MYO6: variants seen among roughly 807,000 people sequenced by gnomAD.
MYO6 encodes the protein myosin VI, also known as unconventional myosin-VI.
Under a neutral mutation model 178.7 loss-of-function variants are expected in MYO6, and 74 were observed. The observed-to-expected ratio is 0.41, with a 90% CI of 0.34 to 0.50. The LOEUF (loss-of-function observed/expected upper bound fraction) is 0.50. Among genes scored for constraint, MYO6 ranks in the 20% least tolerant of loss-of-function variants. The pLI is 0.09. For missense variants in MYO6, 1,330 were observed against 1,547.4 expected, an observed-to-expected ratio of 0.86 and a Z score of 2.36; for synonymous variants, 477 against 504.6, an observed-to-expected ratio of 0.95 and a Z score of 0.73.
At chr6:75,876,355 C>G (rs1777568606) in intron 20 of MYO6, among the ~76,000 whole-genome samples, 2 of 152,080 alleles carry the variant, frequency 1.3e-5, no homozygotes, top group South Asian at 4.1e-4. Flanking sequence ...TTCCTATTTC[C>G]CTGGCATATA....
chr6:75,881,237 G>A (rs1777998688), intron 22 of MYO6, among the ~76,000 whole-genome samples: 1 of 152,096 alleles, frequency 6.6e-6, no homozygotes, highest in African/African-American at 2.4e-5. Flanking sequence ...TTGGGGGTGG[G>A]TAATGGGAGT....
chr6:75,794,251 T>C (rs1310853276), intron 1 of MYO6, among the ~76,000 whole-genome samples: 10 of 152,136 alleles, frequency 6.6e-5, no homozygotes, highest in Admixed American at 6.6e-4. Flanking sequence ...GGAAGACATC[T>C]AAAAAATAGA....
intron 1 of MYO6, among the ~76,000 whole-genome samples, chr6:75,752,492 G>A (rs911498339): frequency 1.1e-4 from 16 of 152,184 alleles, no homozygotes; most frequent in African/African-American, 3.9e-4. Context: ...GCTTGCTCCA[G>A]AAGGGCAAAG....
intron 20 of MYO6, among the ~76,000 whole-genome samples, chr6:75,879,089 T>TCA (rs1409014775): frequency 6.6e-6 from 1 of 152,220 alleles, no homozygotes; most frequent in Non-Finnish European, 1.5e-5. Context: ...TGGGAATGTA[T>TCA]CTACTTTTTG....
chr6:75,820,670 C>T (rs569244281), intron 2 of MYO6, among the ~76,000 whole-genome samples: 21 of 152,154 alleles, frequency 1.4e-4, no homozygotes, highest in Non-Finnish European at 2.5e-4. Context: ...CGCACCTGGC[C>T]AATCTCCATA....
intron 10 of MYO6, among the ~76,000 whole-genome samples, chr6:75,845,252 TA>T (rs1488539087): frequency 1.3e-5 from 2 of 152,212 alleles, no homozygotes; most frequent in African/African-American, 4.8e-5. Context: ...TTAAATTGCC[TA>T]AGAATCATTC....
intron 12 of MYO6, 149 bp from the exon 13 acceptor site, chr6:75,856,948 C>A: frequency 1.5e-6 from 1 of 674,920 alleles, no homozygotes; most frequent in Non-Finnish European, 2.5e-6. Context: ...CAGTTTTCTA[C>A]TTAGCCCCAT....
rs138193115 is a variant in MYO6 at position 75,919,119 on chromosome 6, C to CA, written c.*4113dup. The CA allele has an allele frequency of 0.31, 46,347 of 150,104 alleles. 7,291 individuals carry two copies. The highest frequency in any genetic ancestry group is 0.4 in the South Asian group (1,867 of 4,712). The allele number at this position is 150,104 out of a possible 1,614,324, so 9.3% of individuals were successfully genotyped here. On this transcript the variant is annotated 3_prime_UTR_variant, in exon 35 of 35. Coordinates refer to ENST00000369977, the MANE Select transcript of MYO6 (RefSeq NM_004999.4). Reference sequence around the variant, plus strand: ...GGGCAACAAGAGCGAAATTCCATCTCAAAAAATAAAATAGATTTAGGGGGT... The same window carrying CA: ...GGGCAACAAGAGCGAAATTCCATCTCAAAAAAATAAAATAGATTTAGGGGGT...
rs568752764 is a variant in MYO6 at position 75,900,946 on chromosome 6, A to G, written c.3176+2535A>G. Among the ~76,000 whole-genome samples, 25 of 149,940 alleles carry G rather than the reference A, an allele frequency of 1.7e-4. No individual in the cohort carries two copies. In the East Asian group the frequency reaches 3.9e-3, roughly 23 times the overall value. On this transcript the variant is annotated intron_variant, in intron 30 of 34. Coordinates refer to ENST00000369977, the MANE Select transcript of MYO6 (RefSeq NM_004999.4). ...GGAAGGGATCCAGTTTCAGCTTTCT[A>G]CATATGACTAGCCAGTTTTCCCAGC...
intron 1 of MYO6, among the ~76,000 whole-genome samples, chr6:75,775,895 T>A (rs564161958): frequency 6.6e-5 from 10 of 152,344 alleles, no homozygotes; most frequent in African/African-American, 2.4e-4. Context: ...GCTTGAATCC[T>A]GATAGGCAGA....
intron 30 of MYO6, among the ~76,000 whole-genome samples, chr6:75,899,798 A>G (rs1375361391): frequency 1.3e-5 from 2 of 150,364 alleles, no homozygotes; most frequent in Non-Finnish European, 3.0e-5. Context: ...GGTTAGTTAC[A>G]TATGTATACA....
chr6:75,906,565 A>G (rs1308830913), intron 30 of MYO6, among the ~76,000 whole-genome samples: 2 of 151,966 alleles, frequency 1.3e-5, no homozygotes, highest in Admixed American at 6.6e-5. Flanking sequence ...AGTCCCAGCT[A>G]TTTAGGAGGC....
chr6:75,838,153 A>G (rs941475224), intron 7 of MYO6, among the ~76,000 whole-genome samples: 5 of 151,780 alleles, frequency 3.3e-5, no homozygotes, highest in African/African-American at 7.3e-5. Flanking sequence ...CCCGAGTTCA[A>G]GTGATAGCGC....
chr6:75,862,531 T>C, intron 15 of MYO6, 65 bp from the exon 16 acceptor site: 1 of 1,401,572 alleles, frequency 7.1e-7, no homozygotes, highest in Non-Finnish European at 1.0e-6. Context: ...ATTAGTGAAT[T>C]GTTCACATAT....
intron 10 of MYO6, 137 bp downstream of exon 10, chr6:75,845,114 C>A: frequency 1.4e-6 from 1 of 707,872 alleles, no homozygotes; most frequent in Non-Finnish European, 2.5e-6. Context: ...AAATATTCAT[C>A]TAAGTCTCTG....
rs1781163072 is a variant in MYO6 at position 75,917,134 on chromosome 6, G to A, written c.*2122G>A. On this transcript the variant is annotated 3_prime_UTR_variant, in exon 35 of 35. Coordinates refer to ENST00000369977, the MANE Select transcript of MYO6 (RefSeq NM_004999.4). ...TGTCAGCCTTTTAAAGGAAACAGCAGGAGTGGTGTCCTAAATGATGTTCAT... is the reference window on the plus strand; with the variant it reads ...TGTCAGCCTTTTAAAGGAAACAGCAAGAGTGGTGTCCTAAATGATGTTCAT... The A allele has an allele frequency of 6.6e-6, 1 of 152,576 alleles. No individual in the cohort carries two copies. Among genetic ancestry groups the A allele is most frequent in the Admixed American group, 6.5e-5 (1 of 15,274 alleles). The allele number at this position is 152,576 out of a possible 1,614,324, so 9.5% of individuals were successfully genotyped here.
chr6:75,778,430 TA>T (rs1346138787), intron 1 of MYO6, among the ~76,000 whole-genome samples: 3 of 151,398 alleles, frequency 2.0e-5, no homozygotes, highest in African/African-American at 4.8e-5. Context: ...CCGTCTCTAC[TA>T]AAAAATACAA....
At position 75,841,200 on chromosome 6, in the gene MYO6, G is replaced by C. The variant is rs771399392; in HGVS notation, c.652-14G>C. On this transcript the variant is annotated splice_polypyrimidine_tract_variant and intron_variant, in intron 8 of 34. Transcript: ENST00000369977. ...AAATGCAAAAATATATTTTCTCTGT[G>C]TTTTGTTTTTTAGAGCTCAGTTGTT... 10 of 1,610,996 alleles carry C rather than the reference G, an allele frequency of 6.2e-6. No individual in the cohort carries two copies. In the South Asian group the frequency reaches 1.1e-4, roughly 18 times the overall value.
rs71002767 is a variant in MYO6 at position 75,840,159 on chromosome 6, A to ATT, written c.554-408_554-407dup. 6.4e-3 allele frequency among the ~76,000 whole-genome samples: 849 copies of ATT among 131,840 alleles called. 13 individuals carry two copies. The highest frequency in any genetic ancestry group is 0.016 in the African/African-American group (585 of 35,500). 86.5% of individuals were successfully genotyped at this position (131,840 alleles called of 152,430 possible). A position where few individuals can be genotyped will look rare whatever the true frequency, so the allele number is the denominator to read the frequency against. ...ATTACATGTGAATTCCTTCATGTTA[A>ATT]TTTTTTTTTTTTTTTTTTTGAGACA... On this transcript the variant is annotated intron_variant, in intron 7 of 34. Coordinates refer to ENST00000369977, the MANE Select transcript of MYO6 (RefSeq NM_004999.4).
Sources: allele counts gnomAD v4.1 joint callset (sites outside exome capture counted in the v4.1 genomes callset), GRCh38; gene constraint gnomAD v4.1.1; transcripts MANE v1.5; gene names NCBI Gene and HGNC (gene_info 2026-07-23, HGNC 2026-07-21).